The following OSMR variants were observed in gnomAD, a reference collection of about 807,000 sequenced individuals.
OSMR encodes oncostatin-M-specific receptor subunit beta.
OSMR carries 81 observed loss-of-function variants against 99.9 expected under a neutral mutation model. The observed-to-expected ratio is 0.81, with a 90% CI of 0.68 to 0.97. The LOEUF (loss-of-function observed/expected upper bound fraction) is 0.97, where lower values mean the gene tolerates loss of function less well. OSMR is among the 50% of genes least tolerant of loss of function. The probability of loss-of-function intolerance (pLI) is 0.00; values close to 1 mark genes in which losing one functional copy is unlikely to be tolerated. For missense variants in OSMR, 1,099 were observed against 1,153.4 expected (o/e 0.95, Z 0.68); for synonymous variants, 406 against 410.4 (o/e 0.99, Z 0.13).
At chr5:38,890,480 A>G (rs775789215) in intron 7 of OSMR, among the ~76,000 whole-genome samples, 1 of 152,158 alleles carries the variant, frequency 6.6e-6, no homozygotes, top group East Asian at 1.9e-4. Flanking sequence ...ATTAGCTATT[A>G]TATCACCCTA....
Position 38,859,912 on chromosome 5 carries a change from T to A in OSMR, c.-13-9120T>A, listed in dbSNP as rs142023745. ...TCTTAGTGTATAGAAACACTACTAG[T>A]TTTTCTATGTTGATTTTGTATTCTA... is the stretch of plus-strand genomic sequence containing the variant. On this transcript the variant is annotated intron_variant, in intron 1 of 17. Transcript: ENST00000274276. Among the ~76,000 whole-genome samples, 5 of 152,322 alleles carry A rather than the reference T, an allele frequency of 3.3e-5. No individual in the cohort carries two copies. In the East Asian group the frequency reaches 5.8e-4, roughly 18 times the overall value.
chr5:38,858,535 A>G (rs1199403944), intron 1 of OSMR, among the ~76,000 whole-genome samples: 1 of 152,166 alleles, frequency 6.6e-6, no homozygotes, highest in Non-Finnish European at 1.5e-5. Flanking sequence ...GTTTAATTCC[A>G]TATCTTTGCT....
downstream of OSMR, chr5:38,940,287 T>C (rs1178935052): frequency 8.6e-6 from 2 of 231,914 alleles, no homozygotes; most frequent in Admixed American, 5.6e-5. Flanking sequence ...CTGTTAACTT[T>C]TGAGGGATTA....
At chr5:38,891,774 T>G (rs952302255) in intron 7 of OSMR, among the ~76,000 whole-genome samples, 6 of 152,192 alleles carry the variant, frequency 3.9e-5, no homozygotes, top group Non-Finnish European at 8.8e-5. Flanking sequence ...GTAGCCCCAA[T>G]AGCGGCCATT....
intron 3 of OSMR, among the ~76,000 whole-genome samples, chr5:38,880,289 C>T (rs771607279): frequency 3.3e-5 from 5 of 152,160 alleles, no homozygotes; most frequent in East Asian, 1.9e-4. Context: ...ACTTATTATT[C>T]GCCCTTAGAA....
rs553452746 is a variant in OSMR at position 38,904,177 on chromosome 5, A to T, written c.1134+153A>T. ...AAAAGGTCCATGAAATTAATCATAC[A>T]CTTTTATGGTTAGGAAATGGGCCTT... On this transcript the variant is annotated intron_variant, in intron 8 of 17. Coordinates refer to ENST00000274276, the MANE Select transcript of OSMR (RefSeq NM_003999.3). 658 of 985,248 alleles carry T rather than the reference A, an allele frequency of 6.7e-4. 1 individual carries two copies. The highest frequency in any genetic ancestry group is 7.7e-4 in the Non-Finnish European group (637 of 829,846). 61.0% of individuals were successfully genotyped at this position (985,248 alleles called of 1,614,324 possible).
chr5:38,886,475 C>G (rs1743782010), intron 7 of OSMR: 1 of 518,130 alleles, frequency 1.9e-6, no homozygotes, highest in African/African-American at 2.0e-5. Flanking sequence ...ACGCCCCCAC[C>G]TTCGCTCCTT....
chr5:38,918,922 A>G lies in OSMR; in HGVS notation c.1445A>G (p.Glu482Gly). The change falls in exon 11 of 18, where the codon GAG becomes GGG. Residue 482 changes from glutamate (E) to glycine (G), a missense_variant. Physicochemically the swap from Glu to Gly is moderately conservative, Grantham distance 98. Coordinates refer to ENST00000274276, the MANE Select transcript of OSMR (RefSeq NM_003999.3). ...AACCTAGACAAACCATCCAGTTCAG[A>G]GCTCCATTCCATTCCAGCACCAGCC... ...VENLDKPSSS[E>G]LHSIPAPANS... The G allele has an allele frequency of 6.2e-7, 1 of 1,614,044 alleles. No individual in the cohort carries two copies. The highest frequency in any genetic ancestry group is 8.5e-7 in the Non-Finnish European group (1 of 1,179,882).
At chr5:38,891,988 C>T (rs1311940148) in intron 7 of OSMR, among the ~76,000 whole-genome samples, 2 of 152,010 alleles carry the variant, frequency 1.3e-5, no homozygotes, top group South Asian at 2.1e-4. Context: ...GGCTTGGGCT[C>T]CAGCACAATA....
chr5:38,868,135 T>C (rs561415582), intron 1 of OSMR, among the ~76,000 whole-genome samples: 6 of 152,342 alleles, frequency 3.9e-5, no homozygotes, highest in African/African-American at 1.4e-4. Flanking sequence ...CTGCTTGACC[T>C]TTCTTTACCA....
intron 1 of OSMR, chr5:38,942,505 C>T (rs1430670639): frequency 1.4e-5 from 7 of 490,626 alleles, no homozygotes; most frequent in Non-Finnish European, 2.5e-5. Context: ...GGATGCAGCA[C>T]AATGTTGCCA....
At chr5:38,903,049 G>A (rs978144024) in intron 7 of OSMR, among the ~76,000 whole-genome samples, 2 of 152,008 alleles carry the variant, frequency 1.3e-5, no homozygotes, top group African/African-American at 4.8e-5. Context: ...ATGAGATAGG[G>A]TATTGCCCCT....
chr5:38,883,868 A>G lies in OSMR; in HGVS notation c.460A>G (p.Lys154Glu). 1.9e-6 allele frequency: 3 copies of G among 1,613,644 alleles called. No individual in the cohort carries two copies. The South Asian group carries it at 3.3e-5, about 18-fold the overall frequency. ...TGQDILFVFP[K>E]DKLVEEGTNV... ...ACAGGATATATTGTTCGTTTTCCCTAAAGATAAGCTGGTGGAAGAAGGCAC... is the reference window on the plus strand; with the variant it reads ...ACAGGATATATTGTTCGTTTTCCCTGAAGATAAGCTGGTGGAAGAAGGCAC... Residue 154 changes from lysine (K) to glutamate (E), a missense_variant, in exon 5 of 18, where the codon AAA becomes GAA. Physicochemically the swap from Lys to Glu is moderately conservative, Grantham distance 56. Transcript: ENST00000274276.
At chr5:38,855,114 CA>C (rs1740739014) in intron 1 of OSMR, among the ~76,000 whole-genome samples, 1 of 152,200 alleles carries the variant, frequency 6.6e-6, no homozygotes, top group Admixed American at 6.5e-5. Context: ...TGCTCACCCC[CA>C]CCACACAGCC....
intron 1 of OSMR, among the ~76,000 whole-genome samples, chr5:38,942,638 T>C (rs1282749516): frequency 6.7e-6 from 1 of 148,512 alleles, no homozygotes; most frequent in Non-Finnish European, 1.5e-5. Context: ...AAAAAAACTG[T>C]GTTGACACGG....
intron 15 of OSMR, 106 bp from the exon 16 acceptor site, chr5:38,931,777 G>T: frequency 6.5e-7 from 1 of 1,539,886 alleles, no homozygotes; most frequent in East Asian, 2.5e-5. Context: ...CATAATTTGA[G>T]AAATAATAAA....
At chr5:38,917,779 C>T (rs1327173063) in intron 10 of OSMR, among the ~76,000 whole-genome samples, 157 bp downstream of exon 10, 1 of 152,132 alleles carries the variant, frequency 6.6e-6, no homozygotes, top group Non-Finnish European at 1.5e-5. Context: ...GTAGAGGAAT[C>T]CCACTCCACT....
At chr5:38,885,977 C>T in intron 6 of OSMR, 62 bp from the exon 7 acceptor site, 3 of 1,598,102 alleles carry the variant, frequency 1.9e-6, no homozygotes, top group African/African-American at 1.3e-5. Flanking sequence ...ATAAGGGATA[C>T]ATTTGCTTTG....
At chr5:38,905,287 G>A (rs922731474) in intron 9 of OSMR, among the ~76,000 whole-genome samples, 2 of 152,030 alleles carry the variant, frequency 1.3e-5, no homozygotes, top group African/African-American at 4.8e-5. Context: ...TCAGGAGTTC[G>A]AGACCAGCCT....
Sources: gnomAD v4.1 joint callset for allele counts (sites outside exome capture counted in the v4.1 genomes callset) on GRCh38, gnomAD v4.1.1 for gene constraint, MANE v1.5 for transcripts, NCBI Gene and HGNC (gene_info 2026-07-23, HGNC 2026-07-21) for gene names.